RDX: variants seen among roughly 807,000 people sequenced by gnomAD.
RDX encodes radixin, also known as deafness, autosomal recessive 24.
Under a neutral mutation model 83.7 loss-of-function variants are expected in RDX, and 32 were observed. The ratio of observed to expected loss-of-function variants is 0.38; its 90% CI spans 0.29 to 0.51. The LOEUF is 0.51. RDX is among the 20% of genes least tolerant of loss of function. The pLI, the probability that RDX is intolerant of heterozygous loss-of-function variation, is 0.87. For synonymous variants in RDX, 229 were observed against 222.7 expected, an observed-to-expected ratio of 1.03 and a Z score of -0.25; for missense variants, 600 against 689.9, an observed-to-expected ratio of 0.87 and a Z score of 1.46.
intron 14 of RDX, among the ~76,000 whole-genome samples, chr11:110,206,120 G>A (rs776079841): frequency 8.6e-5 from 13 of 151,992 alleles, no homozygotes; most frequent in African/African-American, 2.9e-4. Context: ...AGCTGGGTGT[G>A]GTGGTGGGTC....
intron 1 of RDX, among the ~76,000 whole-genome samples, chr11:110,294,671 A>G (rs1479742312): frequency 4.6e-5 from 7 of 152,160 alleles, no homozygotes; most frequent in African/African-American, 1.4e-4. Context: ...ATTTCTTACC[A>G]ACAAAAGGAA....
chr11:110,222,049 G>T (rs145738932), intron 14 of RDX, among the ~76,000 whole-genome samples: 9 of 152,210 alleles, frequency 5.9e-5, no homozygotes, highest in African/African-American at 2.2e-4. Context: ...ATGGAAAAGG[G>T]AATAAACATC....
chr11:110,230,205 G>T lies in RDX; in HGVS notation c.*1664C>A, dbSNP rs1353601287. ...GTTTAATAAAATGGCAATTTTAATA[G>T]ATAAATGTAAATTTGACTGTGTAAT... is the stretch of plus-strand genomic sequence containing the variant. On this transcript the variant is annotated 3_prime_UTR_variant, in exon 14 of 14. Transcript: ENST00000645495. The T allele has an allele frequency of 6.6e-6, 1 of 152,116 alleles. No individual in the cohort carries two copies. The highest frequency in any genetic ancestry group is 2.4e-5 in the African/African-American group (1 of 41,430). 9.4% of individuals were successfully genotyped at this position (152,116 alleles called of 1,614,324 possible). A position where few individuals can be genotyped will look rare whatever the true frequency, so the allele number is the denominator to read the frequency against.
rs1353556830 is a variant in RDX, at chr11:110,230,756, C to T, written c.*1113G>A. On this transcript the variant is annotated 3_prime_UTR_variant, in exon 14 of 14. Transcript: ENST00000645495. ...AAAAGGCAGTTAAAAATTTAGCACT[C>T]TTAAGATATTCTGAAGGAAAATGAA... The T allele has an allele frequency of 6.6e-6, 1 of 152,530 alleles. No homozygotes were observed. The highest frequency in any genetic ancestry group is 1.9e-4 in the East Asian group (1 of 5,194). 9.4% of individuals were successfully genotyped at this position (152,530 alleles called of 1,614,324 possible).
At chr11:110,252,198 C>CTAA (rs1210806497) in intron 9 of RDX, among the ~76,000 whole-genome samples, 2 of 152,136 alleles carry the variant, frequency 1.3e-5, no homozygotes, top group African/African-American at 4.8e-5. Context: ...TAAATGCTTA[C>CTAA]TAATGAAGAG....
intron 9 of RDX, among the ~76,000 whole-genome samples, chr11:110,250,158 A>G (rs574705616): frequency 3.0e-4 from 45 of 152,316 alleles, no homozygotes; most frequent in African/African-American, 1.0e-3. Flanking sequence ...GTGTTTCCCA[A>G]TCTCTCCGGG....
rs115831211 is a variant in RDX at position 110,260,392 on chromosome 11, T to C, written c.468-2203A>G. Among the ~76,000 whole-genome samples, 271 of 152,304 alleles carry C rather than the reference T, an allele frequency of 1.8e-3. 1 individual carries two copies. Among genetic ancestry groups the C allele is most frequent in the African/African-American group, 6.3e-3 (263 of 41,564 alleles). On this transcript the variant is annotated intron_variant, in intron 5 of 13. Transcript: ENST00000645495. ...CCATTTGGCAGTGCTGACCATTCTC[T>C]TCATCAAAGTATTCTTTTACCTTGG...
intron 1 of RDX, among the ~76,000 whole-genome samples, chr11:110,289,156 T>G (rs1355255962): frequency 6.7e-6 from 1 of 149,542 alleles, no homozygotes; most frequent in Non-Finnish European, 1.5e-5. Flanking sequence ...GAGAATCACT[T>G]GAACCTGGGA....
intron 1 of RDX, among the ~76,000 whole-genome samples, chr11:110,281,058 A>C (rs1860741276): frequency 6.6e-6 from 1 of 151,380 alleles, no homozygotes; most frequent in South Asian, 2.1e-4. Context: ...CCAGCTACTC[A>C]GGAGGCTGAG....
intron 9 of RDX, among the ~76,000 whole-genome samples, chr11:110,251,838 A>G (rs1020692703): frequency 6.6e-6 from 1 of 152,238 alleles, no homozygotes; most frequent in Non-Finnish European, 1.5e-5. Flanking sequence ...TATAAAAATT[A>G]TAGGGAGTAA....
intron 14 of RDX, among the ~76,000 whole-genome samples, chr11:110,215,683 C>A (rs1864026657): frequency 6.6e-6 from 1 of 152,134 alleles, no homozygotes; most frequent in African/African-American, 2.4e-5. Flanking sequence ...GTTATGCAGA[C>A]AAAATAATCC....
At chr11:110,200,903 A>G in intron 14 of RDX, among the ~76,000 whole-genome samples, 1 of 152,212 alleles carries the variant, frequency 6.6e-6, no homozygotes, top group East Asian at 1.9e-4. Context: ...ATTGTATGAC[A>G]TGCCATTTCA....
At chr11:110,194,284 A>G (rs1276831129) in intron 15 of RDX, among the ~76,000 whole-genome samples, 1 of 152,242 alleles carries the variant, frequency 6.6e-6, no homozygotes, top group Non-Finnish European at 1.5e-5. Flanking sequence ...CAGTGGCGCA[A>G]TCCTGACACA....
intron 15 of RDX, among the ~76,000 whole-genome samples, chr11:110,182,684 G>A (rs573577530): frequency 5.4e-4 from 82 of 152,286 alleles, no homozygotes; most frequent in Non-Finnish European, 8.5e-4. Context: ...ATTGCCATGG[G>A]CAATGGTTTC....
At chr11:110,289,979 A>AAAAAAAAAAAC (rs1555049799) in intron 1 of RDX, among the ~76,000 whole-genome samples, 4 of 144,618 alleles carry the variant, frequency 2.8e-5, no homozygotes, top group African/African-American at 1.1e-4. Context: ...AAAAAAAAAA[A>AAAAAAAAAAAC]AAACAAGGGT....
At chr11:110,198,994 T>C (rs989211448) in intron 15 of RDX, among the ~76,000 whole-genome samples, 1 of 152,058 alleles carries the variant, frequency 6.6e-6, no homozygotes, top group Non-Finnish European at 1.5e-5. Context: ...TTTGTATTTT[T>C]AGTAGAGACG....
intron 1 of RDX, among the ~76,000 whole-genome samples, chr11:110,295,727 G>A (rs999132305): frequency 2.4e-4 from 37 of 152,082 alleles, no homozygotes; most frequent in Non-Finnish European, 4.9e-4. Context: ...GGAAAAGAGG[G>A]ATATCATGTA....
At chr11:110,192,279 C>T (rs1013854223) in intron 15 of RDX, among the ~76,000 whole-genome samples, 13 of 152,038 alleles carry the variant, frequency 8.6e-5, no homozygotes, top group Admixed American at 3.9e-4. Flanking sequence ...AAAAATAAGC[C>T]GTGGGGAAAG....
intron 10 of RDX, 89 bp downstream of exon 10, chr11:110,247,614 A>G: frequency 7.5e-7 from 1 of 1,327,962 alleles, no homozygotes. Flanking sequence ...TATATAACAA[A>G]TAAGGTTTAA....
Sources: allele counts gnomAD v4.1 joint callset (sites outside exome capture counted in the v4.1 genomes callset), GRCh38; gene constraint gnomAD v4.1.1; transcripts MANE v1.5; gene names NCBI Gene and HGNC (gene_info 2026-07-23, HGNC 2026-07-21).